SBF2: variants seen among roughly 807,000 people sequenced by gnomAD.
SBF2 encodes myotubularin-related protein 13.
Under a neutral mutation model 225.2 loss-of-function variants are expected in SBF2, and 112 were observed. The observed-to-expected ratio is 0.50, with a 90% CI of 0.43 to 0.58. SBF2 has a LOEUF of 0.58. SBF2 is among the 20% of genes least tolerant of loss of function. SBF2 has a pLI of 0.00. For synonymous variants in SBF2, 763 were observed against 773.3 expected, an observed-to-expected ratio of 0.99 and a Z score of 0.22; for missense variants, 1,996 against 2,206.2, an observed-to-expected ratio of 0.90 and a Z score of 1.91.
chr11:9,971,266 A>G (rs1867308283), intron 13 of SBF2, among the ~76,000 whole-genome samples: 1 of 152,032 alleles, frequency 6.6e-6, no homozygotes, highest in Admixed American at 6.5e-5. Context: ...AAATAAAAGT[A>G]GAAATAATCT....
At chr11:10,051,442 T>A (rs1242390160) in intron 2 of SBF2, among the ~76,000 whole-genome samples, 1 of 152,060 alleles carries the variant, frequency 6.6e-6, no homozygotes, top group Non-Finnish European at 1.5e-5. Context: ...ATTCCAAGGA[T>A]CAATTTTCAA....
At position 9,812,647 on chromosome 11, in the gene SBF2, C is replaced by T. The variant is rs1854254160; in HGVS notation, c.4040G>A (p.Arg1347Gln). ...CTTCTTAAAACTGGCTTTCACTTGC[C>T]GGATTTCATGAAATTCAACAGGAAC... Reference protein sequence around the residue: ...EFVPVEFHEIRQVKASFKKLM... With the variant: ...EFVPVEFHEIQQVKASFKKLM... The change falls in exon 30 of 40, where the codon CGG becomes CAG. Residue 1347 changes from arginine to glutamine, a missense_variant. Transcript: ENST00000256190. 3.7e-6 allele frequency: 6 copies of T among 1,614,122 alleles called. No individual in the cohort carries two copies. The highest frequency in any genetic ancestry group is 2.2e-5 in the East Asian group (1 of 44,884).
chr11:9,932,985 A>AAAAAAC (rs1590511127), intron 16 of SBF2, among the ~76,000 whole-genome samples: 2 of 146,618 alleles, frequency 1.4e-5, no homozygotes, highest in East Asian at 4.1e-4. Context: ...AAAAAAAAAA[A>AAAAAAC]AACAGGTGTT....
intron 1 of SBF2, among the ~76,000 whole-genome samples, chr11:10,272,812 T>C (rs1362631585): frequency 6.6e-6 from 1 of 151,556 alleles, no homozygotes. Context: ...GGCTCCCGCC[T>C]GTAATCCCAG....
At chr11:9,959,003 T>G in intron 16 of SBF2, 1 of 965,664 alleles carries the variant, frequency 1.0e-6, no homozygotes, top group Non-Finnish European at 1.6e-6. Context: ...GCCTCCTCAA[T>G]GTATTTCAGA....
At chr11:10,185,392 A>C (rs1478002019) in intron 2 of SBF2, among the ~76,000 whole-genome samples, 1 of 152,164 alleles carries the variant, frequency 6.6e-6, no homozygotes, top group East Asian at 1.9e-4. Context: ...CCAACAGTGC[A>C]CAAGAGTTCC....
chr11:10,065,588 G>C (rs755614480), intron 2 of SBF2, among the ~76,000 whole-genome samples: 1 of 152,098 alleles, frequency 6.6e-6, no homozygotes, highest in Non-Finnish European at 1.5e-5. Context: ...AGGATCATAA[G>C]GGAATATTAT....
intron 3 of SBF2, among the ~76,000 whole-genome samples, chr11:10,041,773 A>G (rs1165720773): frequency 6.7e-6 from 1 of 149,586 alleles, no homozygotes. Flanking sequence ...CCATTTCAGA[A>G]AGCAGGCCAA....
intron 2 of SBF2, among the ~76,000 whole-genome samples, chr11:10,069,665 G>GTA (rs1950785217): frequency 6.6e-6 from 1 of 152,262 alleles, no homozygotes; most frequent in Admixed American, 6.5e-5. Context: ...AATCCTTTGG[G>GTA]TATATACCCA....
rs1041370357 is a variant in SBF2, at chr11:9,864,435, G to A, written c.1930-6039C>T. ...ATAGTCTCGCCTTGTGACCCAGGCTGGAGTGTAGTGGCACAAACAAGGCTC... is the reference window on the plus strand; with the variant it reads ...ATAGTCTCGCCTTGTGACCCAGGCTAGAGTGTAGTGGCACAAACAAGGCTC... On this transcript the variant is annotated intron_variant, in intron 17 of 39. Transcript: ENST00000256190. 2.6e-5 allele frequency among the ~76,000 whole-genome samples: 4 copies of A among 151,432 alleles called. No homozygotes were observed. In the East Asian group the frequency reaches 7.7e-4, roughly 29 times the overall value.
At chr11:9,885,858 C>CA (rs1282377365) in intron 17 of SBF2, among the ~76,000 whole-genome samples, 2 of 152,130 alleles carry the variant, frequency 1.3e-5, no homozygotes, top group Non-Finnish European at 2.9e-5. Context: ...AGAATTGAAA[C>CA]AGACTCACAC....
intron 1 of SBF2, among the ~76,000 whole-genome samples, chr11:10,245,546 T>C (rs1312970637): frequency 5.3e-5 from 8 of 152,218 alleles, no homozygotes; most frequent in African/African-American, 1.9e-4. Context: ...ATACTGTTGG[T>C]GGGACTATAA....
chr11:9,865,411 C>T (rs1188747809), intron 17 of SBF2, among the ~76,000 whole-genome samples: 2 of 151,748 alleles, frequency 1.3e-5, no homozygotes, highest in African/African-American at 4.8e-5. Flanking sequence ...AGGAAAAAGC[C>T]GGGCGCAGTG....
At chr11:10,168,268 T>C (rs1956054290) in intron 2 of SBF2, among the ~76,000 whole-genome samples, 1 of 152,206 alleles carries the variant, frequency 6.6e-6, no homozygotes, top group Admixed American at 6.5e-5. Flanking sequence ...ATGAATAGAC[T>C]AGAATCTATC....
intron 1 of SBF2, among the ~76,000 whole-genome samples, chr11:10,256,657 C>T (rs1021647555): frequency 4.6e-5 from 7 of 152,158 alleles, no homozygotes; most frequent in Admixed American, 3.3e-4. Context: ...TAGATAAATT[C>T]AGACTTAAAA....
chr11:9,896,804 G>C (rs1861301359), intron 16 of SBF2, among the ~76,000 whole-genome samples: 1 of 151,484 alleles, frequency 6.6e-6, no homozygotes, highest in Non-Finnish European at 1.5e-5. Flanking sequence ...AAAAAAAAGG[G>C]GGGTGGGGCG....
At chr11:9,817,810 C>T (rs1486433042) in intron 28 of SBF2, among the ~76,000 whole-genome samples, 1 of 150,294 alleles carries the variant, frequency 6.7e-6, no homozygotes, top group African/African-American at 2.4e-5. Context: ...ATGGGAGGAT[C>T]ACTTGACCGC....
chr11:9,933,850 A>G (rs1864683681), intron 16 of SBF2, among the ~76,000 whole-genome samples: 1 of 152,226 alleles, frequency 6.6e-6, no homozygotes, highest in Non-Finnish European at 1.5e-5. Context: ...AAAACCTTTC[A>G]AAAAAATCAA....
chr11:10,056,027 A>C (rs576602196), intron 2 of SBF2, among the ~76,000 whole-genome samples: 1 of 152,334 alleles, frequency 6.6e-6, no homozygotes, highest in Admixed American at 6.5e-5. Context: ...TCAAGTTTTG[A>C]AAAAACAAAA....
Sources: allele counts gnomAD v4.1 joint callset (sites outside exome capture counted in the v4.1 genomes callset), GRCh38; gene constraint gnomAD v4.1.1; transcripts MANE v1.5; gene names NCBI Gene and HGNC (gene_info 2026-07-23, HGNC 2026-07-21).